The following VTA1 variants were observed in gnomAD, a reference collection of about 807,000 sequenced individuals.
The protein encoded by VTA1 is vacuolar protein sorting-associated protein VTA1 homolog.
A neutral mutation model predicts 36.9 loss-of-function variants in VTA1; 24 were observed. That is an observed-to-expected ratio of 0.65 (90% CI 0.47 to 0.91). The LOEUF (loss-of-function observed/expected upper bound fraction) is 0.91, where lower values mean the gene tolerates loss of function less well. Ranked by LOEUF, VTA1 falls within the 40% of genes least tolerant of loss-of-function variation. VTA1 has a pLI of 0.00. For missense variants in VTA1, 393 were observed against 377.2 expected (o/e 1.04, Z -0.35); for synonymous variants, 142 against 130.2 (o/e 1.09, Z -0.62).
At chr6:142,211,594 C>T (rs1416800736) in intron 7 of VTA1, among the ~76,000 whole-genome samples, 1 of 151,868 alleles carries the variant, frequency 6.6e-6, no homozygotes, top group East Asian at 1.9e-4. Context: ...GCCTCTAATC[C>T]CAGCTACTCG....
At chr6:142,178,831 C>G (rs1775172855) in intron 4 of VTA1, among the ~76,000 whole-genome samples, 1 of 151,646 alleles carries the variant, frequency 6.6e-6, no homozygotes, top group Admixed American at 6.6e-5. Context: ...TAAAAGCAAG[C>G]CTTAACTGTA....
At chr6:142,187,000 T>C (rs73574220) in intron 4 of VTA1, among the ~76,000 whole-genome samples, 2,659 of 152,242 alleles carry the variant, frequency 0.017, 86 homozygotes, top group African/African-American at 0.06. Flanking sequence ...ACTGCCTCTA[T>C]TCATTCAGCT....
chr6:142,182,468 C>CATACT (rs1775261126), intron 4 of VTA1, among the ~76,000 whole-genome samples: 1 of 152,060 alleles, frequency 6.6e-6, no homozygotes, highest in Admixed American at 6.6e-5. Context: ...ATTAAATAAT[C>CATACT]AAGGTAAAAG....
At chr6:142,208,845 C>A (rs896948575) in intron 7 of VTA1, among the ~76,000 whole-genome samples, 3 of 152,106 alleles carry the variant, frequency 2.0e-5, no homozygotes, top group African/African-American at 7.2e-5. Flanking sequence ...TATAGTCTTT[C>A]CCAGACACAA....
At chr6:142,192,832 T>C (rs1009733867) in intron 5 of VTA1, among the ~76,000 whole-genome samples, 12 of 151,876 alleles carry the variant, frequency 7.9e-5, no homozygotes, top group African/African-American at 2.9e-4. Flanking sequence ...AGGATATCAT[T>C]ATATATATAT....
intron 5 of VTA1, among the ~76,000 whole-genome samples, chr6:142,189,809 T>A (rs1375172421): frequency 1.3e-5 from 2 of 151,864 alleles, no homozygotes; most frequent in East Asian, 1.9e-4. Context: ...CAGGCTGGAG[T>A]GCAGTGGCGC....
At chr6:142,190,006 C>T (rs1775423481) in intron 5 of VTA1, among the ~76,000 whole-genome samples, 1 of 152,168 alleles carries the variant, frequency 6.6e-6, no homozygotes, top group African/African-American at 2.4e-5. Context: ...ATCCGCCCAC[C>T]TTGGCCTCCC....
At chr6:142,188,225 CTTTTTTTTTTTTT>C (rs200348683) in intron 4 of VTA1, among the ~76,000 whole-genome samples, 2 of 78,968 alleles carry the variant, frequency 2.5e-5, no homozygotes, top group Middle Eastern at 0.017. Flanking sequence ...TTCTTTATTT[CTTTTTTTTTTTTT>C]TTTTTTTTTT....
At chr6:142,148,775 A>C (rs1778509842) in intron 1 of VTA1, among the ~76,000 whole-genome samples, 1 of 152,158 alleles carries the variant, frequency 6.6e-6, no homozygotes, top group African/African-American at 2.4e-5. Flanking sequence ...CACTTCACTG[A>C]ATTGACATTT....
chr6:142,156,949 C>T (rs1452008176), intron 1 of VTA1, among the ~76,000 whole-genome samples: 7 of 152,124 alleles, frequency 4.6e-5, no homozygotes, highest in African/African-American at 1.2e-4. Flanking sequence ...GGGCAGATCA[C>T]GAGGTCAGAA....
chr6:142,201,918 T>C (rs1426544034), intron 6 of VTA1, among the ~76,000 whole-genome samples: 1 of 152,052 alleles, frequency 6.6e-6, no homozygotes, highest in Non-Finnish European at 1.5e-5. Flanking sequence ...ACTTTCTGGA[T>C]AGTCTTCTCT....
intron 1 of VTA1, among the ~76,000 whole-genome samples, chr6:142,154,977 T>A (rs1356157887): frequency 6.6e-6 from 1 of 152,068 alleles, no homozygotes; most frequent in Non-Finnish European, 1.5e-5. Flanking sequence ...AAAAAATCAT[T>A]GATACAGCAG....
intron 7 of VTA1, among the ~76,000 whole-genome samples, chr6:142,215,981 T>C (rs1775997288): frequency 6.6e-6 from 1 of 152,162 alleles, no homozygotes; most frequent in Admixed American, 6.5e-5. Context: ...ATATAGATGG[T>C]CTTGTCTGCA....
At chr6:142,214,605 TAAC>T (rs1775971340) in intron 7 of VTA1, among the ~76,000 whole-genome samples, 1 of 152,186 alleles carries the variant, frequency 6.6e-6, no homozygotes, top group South Asian at 2.1e-4. Context: ...TATCACACTG[TAAC>T]AATAGATATA....
At chr6:142,167,378 G>A (rs978849674) in intron 2 of VTA1, among the ~76,000 whole-genome samples, 6 of 152,136 alleles carry the variant, frequency 3.9e-5, no homozygotes, top group Non-Finnish European at 8.8e-5. Flanking sequence ...CTCCAAGACT[G>A]TTACATTAAT....
At chr6:142,169,511 A>G in intron 2 of VTA1, 39 bp from the exon 3 acceptor site, 1 of 1,586,608 alleles carries the variant, frequency 6.3e-7, no homozygotes, top group East Asian at 2.3e-5. Context: ...CACTTCTGAG[A>G]GTCCAAAATC....
chr6:142,153,233 C>T (rs891314653), intron 1 of VTA1, among the ~76,000 whole-genome samples: 62 of 152,056 alleles, frequency 4.1e-4, no homozygotes, highest in African/African-American at 1.4e-3. Flanking sequence ...AGAAGTATGT[C>T]GTGTGATGAT....
rs544796238 is a variant in VTA1, at chr6:142,170,851, T to C, written c.411+430T>C. ...GTTTTACCAAGCTGGTGTCGAACTC[T>C]TGAGCTCAAGCAATCTTGCCTGCCT... On this transcript the variant is annotated intron_variant, in intron 4 of 7. Transcript: ENST00000367630. Among the ~76,000 whole-genome samples, 8 of 152,178 alleles carry C rather than the reference T, an allele frequency of 5.3e-5. No individual in the cohort carries two copies. The East Asian group carries it at 1.2e-3, about 22-fold the overall frequency.
intron 4 of VTA1, among the ~76,000 whole-genome samples, chr6:142,184,642 A>T (rs767819074): frequency 2.6e-5 from 4 of 152,194 alleles, no homozygotes; most frequent in Non-Finnish European, 5.9e-5. Flanking sequence ...ACCATGTTAG[A>T]TAAGAGAGAA....
Sources: allele counts gnomAD v4.1 joint callset (sites outside exome capture counted in the v4.1 genomes callset), GRCh38; gene constraint gnomAD v4.1.1; transcripts MANE v1.5; gene names NCBI Gene and HGNC (gene_info 2026-07-23, HGNC 2026-07-21).